Variants in DST observed in about 807,000 individuals in gnomAD.
The protein encoded by DST is dystonin.
A neutral mutation model predicts 875.2 loss-of-function variants in DST; 253 were observed. That is an observed-to-expected ratio of 0.29 (90% CI 0.26 to 0.32). The LOEUF (loss-of-function observed/expected upper bound fraction) is 0.32. Ranked by LOEUF, DST falls within the 10% of genes least tolerant of loss-of-function variation. DST has a pLI of 1.00. For missense variants in DST, 8,287 were observed against 9,111.6 expected (o/e 0.91, Z 3.68); for synonymous variants, 3,124 against 3,197.1 (o/e 0.98, Z 0.77).
At chr6:56,872,911 T>C (rs928923952) in intron 3 of DST, among the ~76,000 whole-genome samples, 1 of 151,574 alleles carries the variant, frequency 6.6e-6, no homozygotes, top group Non-Finnish European at 1.5e-5. Context: ...TTTTTAGTTT[T>C]TTGAGGAACC....
intron 34 of DST, among the ~76,000 whole-genome samples, chr6:56,626,180 ATTTT>A (rs1388925108): frequency 6.6e-6 from 1 of 151,992 alleles, no homozygotes; most frequent in Non-Finnish European, 1.5e-5. Flanking sequence ...TATTGAAGAA[ATTTT>A]TTTATAAGCT....
chr6:56,597,674 G>A, intron 47 of DST, 66 bp downstream of exon 47: 1 of 1,515,144 alleles, frequency 6.6e-7, no homozygotes, highest in East Asian at 2.3e-5. Flanking sequence ...TCATGTGCTA[G>A]GTTATTTCTC....
intron 28 of DST, 22 bp downstream of exon 28, chr6:56,632,832 G>C: frequency 6.2e-7 from 1 of 1,608,640 alleles, no homozygotes; most frequent in South Asian, 1.1e-5. Context: ...GGGAAAAAAA[G>C]ACAGGGATCC....
intron 4 of DST, among the ~76,000 whole-genome samples, chr6:56,823,932 G>A (rs370563954): frequency 6.2e-4 from 94 of 152,238 alleles, no homozygotes; most frequent in African/African-American, 2.2e-3. Context: ...TTTACAATAT[G>A]CCAAGCACCA....
intron 4 of DST, chr6:56,851,150 T>C (rs1164891477): frequency 7.6e-6 from 4 of 525,316 alleles, no homozygotes; most frequent in Non-Finnish European, 1.4e-5. Context: ...AAATATTTCC[T>C]TGCATTTCAA....
rs2097339868 is a variant in DST, at chr6:56,552,402, T to A, written c.16390A>T (p.Arg5464Trp). The change falls in exon 61 of 104, where the codon AGG becomes TGG. Residue 5464 changes from arginine to tryptophan, a missense_variant. Physicochemically the swap from Arg to Trp is moderately radical, Grantham distance 101. Coordinates refer to ENST00000680361, the MANE Select transcript of DST (RefSeq NM_001374736.1). ...TGTTTGCTTAAGGCCTCCAAGTCCC[T>A]TTTGATTCCAACAAGGTCAGGAGAG... ...ETSPDLVGIK[R>W]DLEALSKQCN... 3 of 1,613,912 alleles carry A rather than the reference T, an allele frequency of 1.9e-6. No homozygotes were observed. In the African/African-American group the frequency reaches 4.0e-5, roughly 22 times the overall value.
intron 4 of DST, among the ~76,000 whole-genome samples, chr6:56,842,419 A>C (rs2099801265): frequency 6.6e-6 from 1 of 152,236 alleles, no homozygotes; most frequent in African/African-American, 2.4e-5. Flanking sequence ...CCAAGTAAAC[A>C]TTATACTAAA....
intron 15 of DST, among the ~76,000 whole-genome samples, chr6:56,645,219 G>A (rs1333542096): frequency 2.0e-5 from 3 of 152,198 alleles, no homozygotes; most frequent in Non-Finnish European, 4.4e-5. Flanking sequence ...GAGGAACACA[G>A]ATCACAATTC....
At chr6:56,942,706 CTTTTTTTTT>C (rs67354752) in intron 2 of DST, among the ~76,000 whole-genome samples, 7 of 66,006 alleles carry the variant, frequency 1.1e-4, no homozygotes, top group Admixed American at 5.9e-4. Flanking sequence ...TGCCATTTCT[CTTTTTTTTT>C]TTTTTTTTTT....
At position 56,608,777 on chromosome 6, in the gene DST, CA is replaced by C. The variant is rs1563162043; in HGVS notation, c.5850del (p.Val1951Ter). ...LQENTGMWLLPVRPQEGGRIT... is the reference protein window; with the variant it reads ...LQENTGMWLLXVRPQEGGRIT... ...ATTCTACCTCCTTCTTGTGGTCTCACAGGTAGAAGCCACATCCCTGTGTTTT... is the reference window on the plus strand; with the variant it reads ...ATTCTACCTCCTTCTTGTGGTCTCACGGTAGAAGCCACATCCCTGTGTTTT... On this transcript the variant is annotated frameshift_variant, in exon 40 of 104. Coordinates refer to ENST00000680361, the MANE Select transcript of DST (RefSeq NM_001374736.1). LOFTEE classifies it high-confidence loss of function. 6.2e-7 allele frequency: 1 copy of C among 1,609,688 alleles called. No individual in the cohort carries two copies. Among genetic ancestry groups the C allele is most frequent in the Middle Eastern group, 1.7e-4 (1 of 6,056 alleles).
At chr6:56,871,466 G>C in intron 3 of DST, 1 of 1,594,438 alleles carries the variant, frequency 6.3e-7, no homozygotes, top group Non-Finnish European at 8.6e-7. Flanking sequence ...AATTTTTGCT[G>C]CACATGCTTA....
At position 56,535,206 on chromosome 6, in the gene DST, C is replaced by T. The variant is rs376390192; in HGVS notation, c.16857G>A (p.Met5619Ile). The change falls in exon 63 of 104, where the codon ATG (methionine) becomes ATA (isoleucine). Residue 5619 changes from methionine (M) to isoleucine (I), a missense_variant. This residue lies in a region of DST where 777 missense variants were observed against 764.8 expected (regional missense o/e 1.02). Coordinates refer to ENST00000680361, the MANE Select transcript of DST (RefSeq NM_001374736.1). The part of the protein sequence containing the change: ...QDALESLLSW[M>I]VDTEELVANQ... ...TGGCCACAAGCTCCTCAGTGTCCAC[C>T]ATCCAGCTGAGCAGGGACTCCAGGG... 73 of 1,613,670 alleles carry T rather than the reference C, an allele frequency of 4.5e-5. No homozygotes were observed. The highest frequency in any genetic ancestry group is 5.8e-5 in the Non-Finnish European group (68 of 1,179,818).
At chr6:56,944,803 C>T (rs958032558) in intron 2 of DST, among the ~76,000 whole-genome samples, 3 of 152,236 alleles carry the variant, frequency 2.0e-5, no homozygotes, top group Non-Finnish European at 2.9e-5. Flanking sequence ...GATAAAACCT[C>T]ACATCCCAAG....
rs1269926199 is a variant in DST at position 56,953,906 on chromosome 6, G to A, written c.182-87C>T. The A allele has an allele frequency of 5.9e-6, 6 of 1,018,094 alleles. No individual in the cohort carries two copies. The East Asian group carries it at 3.6e-4, about 61-fold the overall frequency. 63.1% of individuals were successfully genotyped at this position (1,018,094 alleles called of 1,614,324 possible). A position where few individuals can be genotyped will look rare whatever the true frequency, so the allele number is the denominator to read the frequency against. On this transcript the variant is annotated intron_variant, in intron 1 of 103. Coordinates refer to ENST00000680361, the MANE Select transcript of DST (RefSeq NM_001374736.1). ...CTCATGACTTACCTGGGAGACCAGG[G>A]TTGGGAAAGCACATCGCAGACTCCT...
chr6:56,627,389 C>CAA lies in DST; in HGVS notation c.4639-103_4639-102insTT. On this transcript the variant is annotated intron_variant, in intron 33 of 103. Transcript: ENST00000680361. ...GACATATCTACATCACTTCACAGTA[C>CAA]AGCTCCTTAGCCCTTTGCACTTAAT... 5 of 835,440 alleles carry CAA rather than the reference C, an allele frequency of 6.0e-6. No individual in the cohort carries two copies. The South Asian group carries it at 6.6e-5, about 11-fold the overall frequency. The allele number at this position is 835,440 out of a possible 1,614,324, so 51.8% of individuals were successfully genotyped here.
Position 56,555,399 on chromosome 6 carries a change from T to G in DST, c.15082A>C (p.Ser5028Arg). Reference protein sequence around the residue: ...VKEEYLKAELSRQLEGILKSF... With the variant: ...VKEEYLKAELRRQLEGILKSF... ...TTTAAGATGCCTTCTAGTTGCCTAC[T>G]AAGTTCTGCTTTCAAGTACTCTTCT... The change falls in exon 60 of 104, where the codon AGT (serine) becomes CGT (arginine). Residue 5028 changes from serine (S) to arginine (R), a missense_variant. Around this residue, in one of 10 missense-constraint regions of DST, gnomAD observed 1,513 missense variants for 1,677.8 expected, o/e 0.90. Coordinates refer to ENST00000680361, the MANE Select transcript of DST (RefSeq NM_001374736.1). The G allele has an allele frequency of 6.2e-7, 1 of 1,611,532 alleles. No individual in the cohort carries two copies. Among genetic ancestry groups the G allele is most frequent in the Non-Finnish European group, 8.5e-7 (1 of 1,178,400 alleles).
chr6:56,768,038 A>C (rs1326049295), intron 4 of DST, among the ~76,000 whole-genome samples: 1 of 152,214 alleles, frequency 6.6e-6, no homozygotes, highest in Non-Finnish European at 1.5e-5. Context: ...ACAGGACCAT[A>C]TAAGCCATTT....
intron 4 of DST, among the ~76,000 whole-genome samples, chr6:56,839,947 C>T (rs2099798037): frequency 6.6e-6 from 1 of 152,102 alleles, no homozygotes; most frequent in Non-Finnish European, 1.5e-5. Flanking sequence ...TTCCATGCAG[C>T]TTTCATAGAG....
chr6:56,474,780 T>C (rs1213169047), intron 92 of DST, among the ~76,000 whole-genome samples: 2 of 151,748 alleles, frequency 1.3e-5, no homozygotes, highest in Non-Finnish European at 2.9e-5. Flanking sequence ...TTAGGCAACA[T>C]AGTGAAACCC....
Sources: gnomAD v4.1 joint callset for allele counts (sites outside exome capture counted in the v4.1 genomes callset) on GRCh38, gnomAD v4.1.1 for gene constraint, gnomAD v4.1.1 regional missense constraint, MANE v1.5 for transcripts, NCBI Gene and HGNC (gene_info 2026-07-23, HGNC 2026-07-21) for gene names.